The following SNTG2 variants were observed in gnomAD, a reference collection of about 807,000 sequenced individuals.
SNTG2 encodes syntrophin gamma 2, also known as gamma-2-syntrophin.
In SNTG2, 74 loss-of-function variants were observed where a neutral mutation model predicts 70.9. That is an observed-to-expected ratio of 1.04 (90% CI 0.86 to 1.27). The LOEUF is 1.27. Ranked by LOEUF, SNTG2 falls within the 50% of genes most tolerant of loss-of-function variation. The pLI is 0.00. For synonymous variants in SNTG2, 278 were observed against 273.8 expected (o/e 1.02, Z -0.15); for missense variants, 717 against 690.7 (o/e 1.04, Z -0.43).
At chr2:1,255,877 T>TATAA (rs1558602685) in intron 12 of SNTG2, among the ~76,000 whole-genome samples, 2 of 78,834 alleles carry the variant, frequency 2.5e-5, no homozygotes, top group Non-Finnish European at 2.2e-5. Context: ...TATATAAATA[T>TATAA]ATATATAAAT....
At chr2:1,141,936 C>T (rs142125336) in intron 6 of SNTG2, among the ~76,000 whole-genome samples, 4 of 136,672 alleles carry the variant, frequency 2.9e-5, no homozygotes, top group East Asian at 2.3e-4. Context: ...GACGTGGCAT[C>T]GCCCCAGAGC....
chr2:1,303,954 T>C (rs1272515658), intron 14 of SNTG2, among the ~76,000 whole-genome samples: 2 of 152,130 alleles, frequency 1.3e-5, no homozygotes, highest in Non-Finnish European at 2.9e-5. Flanking sequence ...AGAAAACTTA[T>C]TTGTAGCTTA....
chr2:1,143,870 C>G (rs923269933), intron 6 of SNTG2, among the ~76,000 whole-genome samples: 3 of 147,522 alleles, frequency 2.0e-5, no homozygotes, highest in African/African-American at 7.7e-5. Context: ...GAGACTCTGT[C>G]TCAAACAACA....
chr2:1,308,385 A>G (rs1033578902), intron 14 of SNTG2, 109 bp from the exon 15 acceptor site: 2 of 998,250 alleles, frequency 2.0e-6, no homozygotes, highest in Non-Finnish European at 3.0e-6. Context: ...CTTGCATATG[A>G]GAGCATTTTA....
chr2:1,313,351 C>T (rs11892157), intron 15 of SNTG2, among the ~76,000 whole-genome samples: 3,843 of 152,306 alleles, frequency 0.025, 161 homozygotes, highest in African/African-American at 0.088. Flanking sequence ...ATCTGTGCCA[C>T]GGGAGGATGG....
At chr2:1,216,967 T>TCC (rs1674435757) in intron 9 of SNTG2, among the ~76,000 whole-genome samples, 1 of 152,144 alleles carries the variant, frequency 6.6e-6, no homozygotes, top group Non-Finnish European at 1.5e-5. Context: ...GGGCCAAGCT[T>TCC]GCTTCCCCTT....
chr2:1,221,775 C>A (rs1553312273), intron 9 of SNTG2, among the ~76,000 whole-genome samples: 4,776 of 5,834 alleles, frequency 0.82, 2,155 homozygotes, highest in East Asian at 0.93. Context: ...GTCTCTGCCT[C>A]TCTCTGTCTC....
chr2:987,560 G>T (rs544716447), intron 1 of SNTG2, among the ~76,000 whole-genome samples: 13 of 152,200 alleles, frequency 8.5e-5, no homozygotes, highest in African/African-American at 2.9e-4. Flanking sequence ...CGTCTCTAGC[G>T]GCTGGAGAAA....
At chr2:1,180,594 A>G (rs1344851373) in intron 8 of SNTG2, among the ~76,000 whole-genome samples, 4 of 147,580 alleles carry the variant, frequency 2.7e-5, no homozygotes, top group Non-Finnish European at 6.0e-5. Context: ...ATGTGGAGAA[A>G]TAGGAACACT....
intron 2 of SNTG2, among the ~76,000 whole-genome samples, chr2:1,090,255 T>C (rs188417901): frequency 7.9e-4 from 120 of 152,356 alleles, no homozygotes; most frequent in Middle Eastern, 3.4e-3. Flanking sequence ...ACATTCTTAG[T>C]TGGATGTAAG....
Position 1,331,128 on chromosome 2 carries a change from G to A in SNTG2, c.1488+14753G>A, listed in dbSNP as rs143681035. On this transcript the variant is annotated intron_variant, in intron 16 of 16. Coordinates refer to ENST00000308624, the MANE Select transcript of SNTG2 (RefSeq NM_018968.4). ...GAGGGATGCTCTGTGAGGCCACGTC[G>A]TGTCCTGGACAACATTGCTGAAACC... Among the ~76,000 whole-genome samples the A allele has an allele frequency of 6.3e-3, 954 of 152,282 alleles. 8 individuals are homozygous for A. Among genetic ancestry groups the A allele is most frequent in the Middle Eastern group, 0.02 (6 of 294 alleles).
At chr2:1,016,440 C>A (rs2148002662) in intron 1 of SNTG2, among the ~76,000 whole-genome samples, 1 of 152,270 alleles carries the variant, frequency 6.6e-6, no homozygotes, top group East Asian at 1.9e-4. Flanking sequence ...GGGGTTTTAC[C>A]ATGTTGGCCA....
intron 14 of SNTG2, among the ~76,000 whole-genome samples, chr2:1,288,960 C>T (rs1301067537): frequency 2.0e-5 from 3 of 152,084 alleles, no homozygotes; most frequent in Non-Finnish European, 2.9e-5. Flanking sequence ...TCTACTCTTA[C>T]GCCTGATTCC....
At chr2:1,137,556 A>G in intron 4 of SNTG2, 66 bp from the exon 5 acceptor site, 1 of 1,558,188 alleles carries the variant, frequency 6.4e-7, no homozygotes, top group South Asian at 1.2e-5. Context: ...TGCTTAAATG[A>G]CTGTCATAAC....
At position 1,084,599 on chromosome 2, in the gene SNTG2, G is replaced by A. The variant is rs548458381; in HGVS notation, c.210+944G>A. Reference sequence around the variant, plus strand: ...CCACATCCCACCACGTGCCCTCTTCGTTCTGGCTCCAGGACTGCATCTGTC... The same window carrying A: ...CCACATCCCACCACGTGCCCTCTTCATTCTGGCTCCAGGACTGCATCTGTC... On this transcript the variant is annotated intron_variant, in intron 2 of 16. Transcript: ENST00000308624. Among the ~76,000 whole-genome samples the A allele has an allele frequency of 9.9e-5, 15 of 152,232 alleles. No homozygotes were observed. The South Asian group carries it at 2.3e-3, about 23-fold the overall frequency.
In SNTG2 at chr2:1,175,735, C is replaced by T. The variant is rs986954816; in HGVS notation, c.591+2552C>T. On this transcript the variant is annotated intron_variant, in intron 8 of 16. Coordinates refer to ENST00000308624, the MANE Select transcript of SNTG2 (RefSeq NM_018968.4). ...GGGAGAAACTGTCCTCCTACCCTTT[C>T]TGTGCAGTTATCCTCAGGGTTTTTC... 6.6e-5 allele frequency among the ~76,000 whole-genome samples: 10 copies of T among 152,220 alleles called. 1 individual carries two copies. Among genetic ancestry groups the T allele is most frequent in the African/African-American group, 1.9e-4 (8 of 41,462 alleles).
chr2:1,339,617 A>G (rs2148293538), intron 16 of SNTG2, among the ~76,000 whole-genome samples: 1 of 152,304 alleles, frequency 6.6e-6, no homozygotes, highest in East Asian at 1.9e-4. Flanking sequence ...AAGCCTTGTC[A>G]CATCTCATCA....
chr2:976,342 C>A lies in SNTG2; in HGVS notation c.72+25274C>A, dbSNP rs972838016. 3.3e-5 allele frequency among the ~76,000 whole-genome samples: 5 copies of A among 152,168 alleles called. No individual in the cohort carries two copies. In the East Asian group the frequency reaches 5.8e-4, roughly 18 times the overall value. ...GGAGGAAGAGAAACACGAGCCAGCACGCTGTGACATATCGATGTTGTGATG... is the reference window on the plus strand; with the variant it reads ...GGAGGAAGAGAAACACGAGCCAGCAAGCTGTGACATATCGATGTTGTGATG... On this transcript the variant is annotated intron_variant, in intron 1 of 16. Transcript: ENST00000308624.
At chr2:1,074,219 G>A (rs34448205) in intron 1 of SNTG2, among the ~76,000 whole-genome samples, 21,256 of 152,212 alleles carry the variant, frequency 0.14, 1,807 homozygotes, top group East Asian at 0.21. Flanking sequence ...TCGTCTGCCC[G>A]GGGGAATGCT....
Sources: gnomAD v4.1 joint callset for allele counts (sites outside exome capture counted in the v4.1 genomes callset) on GRCh38, gnomAD v4.1.1 for gene constraint, MANE v1.5 for transcripts, NCBI Gene and HGNC (gene_info 2026-07-23, HGNC 2026-07-21) for gene names.